MAP4K5: variants seen among roughly 807,000 people sequenced by gnomAD.
The protein encoded by MAP4K5 is mitogen-activated protein kinase kinase kinase kinase 5.
In MAP4K5, 82 loss-of-function variants were observed where a neutral mutation model predicts 135.6. The ratio of observed to expected loss-of-function variants is 0.60; its 90% CI spans 0.51 to 0.73. The LOEUF (loss-of-function observed/expected upper bound fraction) is 0.73. Ranked by LOEUF, MAP4K5 falls within the 30% of genes least tolerant of loss-of-function variation. The pLI is 0.00. For synonymous variants in MAP4K5, 347 were observed against 335.0 expected, an observed-to-expected ratio of 1.04 and a Z score of -0.39; for missense variants, 907 against 1,010.9, an observed-to-expected ratio of 0.90 and a Z score of 1.39.
intron 2 of MAP4K5, among the ~76,000 whole-genome samples, chr14:50,518,000 TTAG>T (rs1006468026): frequency 3.3e-5 from 5 of 152,148 alleles, no homozygotes; most frequent in African/African-American, 1.2e-4. Context: ...AAGGATAATA[TTAG>T]TAGAGTAACA....
rs530628437 is a variant in MAP4K5 at position 50,482,330 on chromosome 14, CCTTT to C, written c.378+27_378+30del. On this transcript the variant is annotated intron_variant, in intron 6 of 32. Transcript: ENST00000682126. Reference sequence around the variant, plus strand: ...ATTAAGAAAATATTGCCTAGAATTGCCTTTCTAACTATATTAAGAAAATATAGTA... The same window carrying C: ...ATTAAGAAAATATTGCCTAGAATTGCCTAACTATATTAAGAAAATATAGTA... 75 of 1,340,830 alleles carry C rather than the reference CCTTT, an allele frequency of 5.6e-5. No individual in the cohort carries two copies. In the African/African-American group the frequency reaches 1.1e-3, roughly 19 times the overall value. 83.1% of individuals were successfully genotyped at this position (1,340,830 alleles called of 1,614,324 possible). A position where few individuals can be genotyped will look rare whatever the true frequency, so the allele number is the denominator to read the frequency against.
At chr14:50,432,748 A>G (rs2036001852) in intron 28 of MAP4K5, among the ~76,000 whole-genome samples, 1 of 152,192 alleles carries the variant, frequency 6.6e-6, no homozygotes, top group Admixed American at 6.5e-5. Context: ...GATGAGCAAA[A>G]AAAAAAAGTT....
chr14:50,458,850 C>T (rs775720603), intron 13 of MAP4K5, among the ~76,000 whole-genome samples: 16 of 151,940 alleles, frequency 1.1e-4, no homozygotes, highest in Non-Finnish European at 2.1e-4. Flanking sequence ...GCTCTGTCAC[C>T]CAGGCTGGAG....
intron 5 of MAP4K5, among the ~76,000 whole-genome samples, chr14:50,483,389 G>A (rs926991287): frequency 4.1e-4 from 63 of 152,172 alleles, no homozygotes; most frequent in African/African-American, 1.4e-3. Flanking sequence ...TGCTGACAGC[G>A]AAACCAAATC....
chr14:50,419,393 T>C lies in MAP4K5; in HGVS notation c.*626A>G, dbSNP rs1316215001. 2 of 152,588 alleles carry C rather than the reference T, an allele frequency of 1.3e-5. No homozygotes were observed. Among genetic ancestry groups the C allele is most frequent in the Non-Finnish European group, 2.9e-5 (2 of 68,022 alleles). The allele number at this position is 152,588 out of a possible 1,614,324, so 9.5% of individuals were successfully genotyped here. Reference sequence around the variant, plus strand: ...AATACTTTTGTTAAGCAAAATTGCATGTGTGTGTTGAACCCCCAAACACTC... The same window carrying C: ...AATACTTTTGTTAAGCAAAATTGCACGTGTGTGTTGAACCCCCAAACACTC... On this transcript the variant is annotated 3_prime_UTR_variant, in exon 33 of 33. Coordinates refer to ENST00000682126, the MANE Select transcript of MAP4K5 (RefSeq NM_006575.6).
At chr14:50,434,651 A>G (rs900607706) in intron 27 of MAP4K5, 80 bp from the exon 28 acceptor site, 13 of 1,228,406 alleles carry the variant, frequency 1.1e-5, no homozygotes, top group Middle Eastern at 1.9e-4. Context: ...AGTCAACAGA[A>G]AGACTCCTAT....
At chr14:50,479,376 T>C (rs976782200) in intron 6 of MAP4K5, among the ~76,000 whole-genome samples, 4 of 152,108 alleles carry the variant, frequency 2.6e-5, no homozygotes, top group African/African-American at 9.7e-5. Flanking sequence ...CAAATATACG[T>C]TTTTTGCAAT....
intron 3 of MAP4K5, among the ~76,000 whole-genome samples, chr14:50,487,783 G>T (rs1394781534): frequency 6.6e-6 from 1 of 152,034 alleles, no homozygotes; most frequent in African/African-American, 2.4e-5. Context: ...CAGAGGAAAG[G>T]CCCTGCTTTC....
At chr14:50,507,506 T>C (rs868240318) in intron 2 of MAP4K5, among the ~76,000 whole-genome samples, 1 of 152,222 alleles carries the variant, frequency 6.6e-6, no homozygotes, top group South Asian at 2.1e-4. Flanking sequence ...TTTCCTTCTA[T>C]ACACTGCTTT....
intron 8 of MAP4K5, among the ~76,000 whole-genome samples, chr14:50,475,788 C>G (rs1449758835): frequency 1.3e-5 from 2 of 152,158 alleles, no homozygotes; most frequent in African/African-American, 2.4e-5. Flanking sequence ...TCATTTAACA[C>G]ACCAGATGTT....
intron 13 of MAP4K5, among the ~76,000 whole-genome samples, chr14:50,458,596 T>A (rs2036641728): frequency 6.6e-6 from 1 of 152,038 alleles, no homozygotes; most frequent in Non-Finnish European, 1.5e-5. Context: ...TCATTGAAAC[T>A]CTCCTTTCTT....
chr14:50,463,716 T>G (rs1240160534), intron 12 of MAP4K5, among the ~76,000 whole-genome samples: 1 of 151,706 alleles, frequency 6.6e-6, no homozygotes, highest in Non-Finnish European at 1.5e-5. Flanking sequence ...AAACCCTGTC[T>G]CTACTAAAAA....
intron 2 of MAP4K5, among the ~76,000 whole-genome samples, chr14:50,530,106 T>C (rs1225209748): frequency 6.6e-6 from 1 of 151,978 alleles, no homozygotes; most frequent in Non-Finnish European, 1.5e-5. Flanking sequence ...TACATGTAAG[T>C]GTGAGGAAGC....
At chr14:50,443,357 C>G (rs2036270405) in intron 20 of MAP4K5, among the ~76,000 whole-genome samples, 1 of 150,240 alleles carries the variant, frequency 6.7e-6, no homozygotes, top group African/African-American at 2.5e-5. Context: ...CAGGAAAATG[C>G]ATTAATATAA....
intron 1 of MAP4K5, among the ~76,000 whole-genome samples, chr14:50,548,577 TCGGGTCA>T (rs1170161851): frequency 6.6e-6 from 1 of 152,138 alleles, no homozygotes; most frequent in Non-Finnish European, 1.5e-5. Context: ...TGGCGTGATC[TCGGGTCA>T]CTGCAAGCTC....
intron 2 of MAP4K5, among the ~76,000 whole-genome samples, chr14:50,505,757 T>C (rs767955922): frequency 6.6e-6 from 1 of 152,232 alleles, no homozygotes; most frequent in African/African-American, 2.4e-5. Context: ...GTTAAAACCA[T>C]GTCTGCCAAA....
At chr14:50,421,375 C>T (rs1260299688) in intron 32 of MAP4K5, among the ~76,000 whole-genome samples, 1 of 151,996 alleles carries the variant, frequency 6.6e-6, no homozygotes, top group Non-Finnish European at 1.5e-5. Flanking sequence ...TCTCCTGCCT[C>T]AGCCTCCCGA....
chr14:50,452,050 C>CAGCG (rs2036500060), intron 14 of MAP4K5, among the ~76,000 whole-genome samples: 2 of 152,194 alleles, frequency 1.3e-5, no homozygotes, highest in African/African-American at 4.8e-5. Context: ...AGATGCTGGA[C>CAGCG]AGCGACAGCA....
intron 5 of MAP4K5, among the ~76,000 whole-genome samples, chr14:50,483,725 C>CAA (rs59754773): frequency 4.9e-4 from 29 of 58,614 alleles, no homozygotes; most frequent in South Asian, 1.1e-3. Context: ...TTAAAAGTTG[C>CAA]AAAAAAAAAA....
Sources: gnomAD v4.1 joint callset for allele counts (sites outside exome capture counted in the v4.1 genomes callset) on GRCh38, gnomAD v4.1.1 for gene constraint, MANE v1.5 for transcripts, NCBI Gene and HGNC (gene_info 2026-07-23, HGNC 2026-07-21) for gene names.